NRXN1: variants seen among roughly 807,000 people sequenced by gnomAD.
NRXN1 encodes the protein neurexin 1, also known as neurexin-1.
Under a neutral mutation model 150.9 loss-of-function variants are expected in NRXN1, and 39 were observed. The ratio of observed to expected loss-of-function variants is 0.26; its 90% CI spans 0.20 to 0.34. The LOEUF (loss-of-function observed/expected upper bound fraction) is 0.34, where lower values mean the gene tolerates loss of function less well. Among genes scored for constraint, NRXN1 ranks in the 10% least tolerant of loss-of-function variants. NRXN1 has a pLI of 1.00. For missense variants in NRXN1, 1,815 were observed against 1,949.9 expected (o/e 0.93, Z 1.30); for synonymous variants, 924 against 757.0 (o/e 1.22, Z -3.62).
At chr2:50,503,059 G>C (rs1261752805) in intron 13 of NRXN1, among the ~76,000 whole-genome samples, 1 of 152,060 alleles carries the variant, frequency 6.6e-6, no homozygotes. Flanking sequence ...TGTAATCCCG[G>C]TACTTTGGGA....
chr2:50,049,218 C>G (rs1341325922), intron 21 of NRXN1, among the ~76,000 whole-genome samples: 2 of 152,112 alleles, frequency 1.3e-5, no homozygotes, highest in African/African-American at 4.8e-5. Context: ...ATCAGGTATG[C>G]ACAGGTACTA....
chr2:50,520,869 T>A (rs867897059), intron 12 of NRXN1, among the ~76,000 whole-genome samples: 2 of 152,076 alleles, frequency 1.3e-5, no homozygotes, highest in Admixed American at 6.6e-5. Flanking sequence ...ATTATTTGAT[T>A]TAAAAATTTC....
chr2:50,632,365 G>C (rs1682493001), intron 5 of NRXN1: 2 of 151,946 alleles, frequency 1.3e-5, no homozygotes, highest in Admixed American at 6.6e-5. Context: ...CATCTTGGAA[G>C]GCAAGAGCAG....
chr2:50,702,463 T>C (rs1693883149), intron 5 of NRXN1, among the ~76,000 whole-genome samples: 1 of 152,128 alleles, frequency 6.6e-6, no homozygotes, highest in African/African-American at 2.4e-5. Flanking sequence ...TTTTCCAAGC[T>C]TCACAAAGCT....
At chr2:50,599,874 T>C (rs568788004) in intron 8 of NRXN1, among the ~76,000 whole-genome samples, 6 of 152,280 alleles carry the variant, frequency 3.9e-5, no homozygotes, top group African/African-American at 1.4e-4. Flanking sequence ...TGTCAGTTGA[T>C]GGGGTGGATT....
chr2:50,764,265 G>A (rs1324897484), intron 5 of NRXN1, among the ~76,000 whole-genome samples: 1 of 152,070 alleles, frequency 6.6e-6, no homozygotes, highest in East Asian at 2.0e-4. Context: ...TATGATTATA[G>A]TGGGGCATGA....
At chr2:50,718,481 T>C (rs932069459) in intron 5 of NRXN1, among the ~76,000 whole-genome samples, 2 of 152,086 alleles carry the variant, frequency 1.3e-5, no homozygotes, top group South Asian at 2.1e-4. Context: ...CAAAACAACA[T>C]AGTTATTAAT....
chr2:50,368,325 GA>G (rs1025612248), intron 17 of NRXN1, among the ~76,000 whole-genome samples: 6 of 150,250 alleles, frequency 4.0e-5, no homozygotes, highest in African/African-American at 1.5e-4. Flanking sequence ...AAGCATAAAT[GA>G]AAAAAAAATC....
At chr2:50,115,217 G>GTATATATATATATATATATATATA (rs35673922) in intron 18 of NRXN1, among the ~76,000 whole-genome samples, 2 of 134,914 alleles carry the variant, frequency 1.5e-5, no homozygotes, top group Non-Finnish European at 3.1e-5. Flanking sequence ...TATGTTATGT[G>GTATATATATATATATATATATATA]TATATATATA....
Position 50,347,631 on chromosome 2 carries a change from T to C in NRXN1, c.3365-110661A>G, listed in dbSNP as rs1575173291. The C allele has an allele frequency of 1.0e-6, 1 of 998,240 alleles. No individual in the cohort carries two copies. The highest frequency in any genetic ancestry group is 1.2e-6 in the Non-Finnish European group (1 of 838,398). The allele number at this position is 998,240 out of a possible 1,614,324, so 61.8% of individuals were successfully genotyped here. A position where few individuals can be genotyped will look rare whatever the true frequency, so the allele number is the denominator to read the frequency against. On this transcript the variant is annotated intron_variant, in intron 17 of 22. Coordinates refer to ENST00000401669, the MANE Select transcript of NRXN1 (RefSeq NM_001330078.2). The surrounding 1 kb of genome is among the most constrained non-coding windows in gnomAD (Gnocchi z 4.9). The stretch of plus-strand genomic sequence containing the variant: ...CCTGACACTTACGCCCGGCGAGGGG[T>C]TCAGAGGGAAGAGTGCGCCCTTCTG...
chr2:50,036,140 T>C (rs1689996698), intron 21 of NRXN1, among the ~76,000 whole-genome samples: 1 of 152,040 alleles, frequency 6.6e-6, no homozygotes, highest in South Asian at 2.1e-4. Flanking sequence ...ATCCTCATAA[T>C]CCCCATGTGT....
intron 5 of NRXN1, among the ~76,000 whole-genome samples, chr2:50,889,434 C>A (rs1680731646): frequency 6.6e-6 from 1 of 151,718 alleles, no homozygotes; most frequent in South Asian, 2.1e-4. Flanking sequence ...TCAATAAACA[C>A]TCCGTAAGTT....
chr2:50,105,542 T>G (rs10188676), intron 18 of NRXN1, among the ~76,000 whole-genome samples: 91,958 of 151,654 alleles, frequency 0.61, 28,847 homozygotes, highest in African/African-American at 0.75. Flanking sequence ...ATCATATTTA[T>G]CATTGCTTGC....
At chr2:50,808,211 T>C (rs1259832313) in intron 5 of NRXN1, among the ~76,000 whole-genome samples, 1 of 152,038 alleles carries the variant, frequency 6.6e-6, no homozygotes, top group Non-Finnish European at 1.5e-5. Context: ...ATAGACTGAG[T>C]CCATCCAGAA....
At chr2:50,136,449 T>G (rs532583142) in intron 18 of NRXN1, among the ~76,000 whole-genome samples, 1 of 152,242 alleles carries the variant, frequency 6.6e-6, no homozygotes, top group Non-Finnish European at 1.5e-5. Context: ...ATATCTTAAT[T>G]TTGTACTTCA....
chr2:50,275,276 G>T (rs1158695491), intron 17 of NRXN1, among the ~76,000 whole-genome samples: 1 of 151,928 alleles, frequency 6.6e-6, no homozygotes, highest in Non-Finnish European at 1.5e-5. Flanking sequence ...TTAACTAGAG[G>T]GATGATTACT....
intron 8 of NRXN1, among the ~76,000 whole-genome samples, chr2:50,617,573 C>G (rs1679261984): frequency 6.6e-6 from 1 of 152,150 alleles, no homozygotes; most frequent in Admixed American, 6.5e-5. Flanking sequence ...GACCGTGCTT[C>G]CTCAGACACA....
intron 5 of NRXN1, chr2:50,919,473 T>C (rs1685683949): frequency 6.6e-6 from 1 of 151,484 alleles, no homozygotes; most frequent in East Asian, 1.9e-4. Flanking sequence ...AATGAAGATG[T>C]TCTTGAATTT....
chr2:50,312,455 T>G (rs376166870), intron 17 of NRXN1, among the ~76,000 whole-genome samples: 1 of 151,968 alleles, frequency 6.6e-6, no homozygotes, highest in South Asian at 2.1e-4. Flanking sequence ...TGGGAAACTT[T>G]GCAGTTTTTA....
Sources: gnomAD v4.1 joint callset for allele counts (sites outside exome capture counted in the v4.1 genomes callset) on GRCh38, gnomAD v4.1.1 for gene constraint, Gnocchi (gnomAD v3.1) non-coding constraint, MANE v1.5 for transcripts, NCBI Gene and HGNC (gene_info 2026-07-23, HGNC 2026-07-21) for gene names.